Variants in SPIRE2 observed in about 807,000 individuals in gnomAD.
SPIRE2 encodes spire type actin nucleation factor 2.
In SPIRE2, 76 loss-of-function variants were observed where a neutral mutation model predicts 80.7. The ratio of observed to expected loss-of-function variants is 0.94; its 90% CI spans 0.78 to 1.14. SPIRE2 has a LOEUF of 1.14. SPIRE2 is among the 50% of genes most tolerant of loss of function. SPIRE2 has a pLI of 0.00. For synonymous variants in SPIRE2, 535 were observed against 432.6 expected, an observed-to-expected ratio of 1.24 and a Z score of -2.94; for missense variants, 1,196 against 1,015.3, an observed-to-expected ratio of 1.18 and a Z score of -2.42.
At chr16:89,834,039 CCTGCAGCAAGACTCTT>C (rs1327518235) in intron 1 of SPIRE2, among the ~76,000 whole-genome samples, 1 of 152,218 alleles carries the variant, frequency 6.6e-6, no homozygotes, top group Non-Finnish European at 1.5e-5. Context: ...GGAAGGCAGT[CCTGCAGCAAGACTCTT>C]CTCTTTACGG....
At position 89,863,721 on chromosome 16, in the gene SPIRE2, G is replaced by T. The variant is rs55999134; in HGVS notation, c.1711-73G>T. On this transcript the variant is annotated intron_variant, in intron 11 of 14. Transcript: ENST00000378247. This position sits in a 1 kb window ranked among gnomAD's most constrained non-coding sequence, Gnocchi z 4.3. ...TCATGATCTGGTTGGGAGCCCTGAGGGGGTAGCAGGGACAGGGCGGGACCC... is the reference window on the plus strand; with the variant it reads ...TCATGATCTGGTTGGGAGCCCTGAGTGGGTAGCAGGGACAGGGCGGGACCC... The T allele has an allele frequency of 1.5e-5, 24 of 1,605,716 alleles. No individual in the cohort carries two copies. Among genetic ancestry groups the T allele is most frequent in the African/African-American group, 5.4e-5 (4 of 74,726 alleles).
chr16:89,841,453 TGTG>T (rs1286560559), intron 1 of SPIRE2, among the ~76,000 whole-genome samples: 1 of 152,048 alleles, frequency 6.6e-6, no homozygotes, highest in African/African-American at 2.4e-5. Context: ...GTGACGTGGT[TGTG>T]GTAGCTCTGT....
intron 1 of SPIRE2, among the ~76,000 whole-genome samples, chr16:89,830,978 C>T (rs2041374713): frequency 6.8e-6 from 1 of 146,980 alleles, no homozygotes; most frequent in South Asian, 2.1e-4. Context: ...GGCACAATCT[C>T]TGCTCACTGC....
At chr16:89,866,351 G>A (rs751363196) in intron 12 of SPIRE2, among the ~76,000 whole-genome samples, 8 of 151,868 alleles carry the variant, frequency 5.3e-5, no homozygotes, top group Non-Finnish European at 1.2e-4. Flanking sequence ...AGTCGGAAGT[G>A]CAATGCCGCG....
In SPIRE2 at chr16:89,854,662, C is replaced by A; in HGVS notation, c.891+11C>A. The A allele has an allele frequency of 1.2e-6, 2 of 1,607,988 alleles. No homozygotes were observed. The highest frequency in any genetic ancestry group is 1.7e-6 in the Non-Finnish European group (2 of 1,176,596). On this transcript the variant is annotated intron_variant, in intron 5 of 14. Coordinates refer to ENST00000378247, the MANE Select transcript of SPIRE2 (RefSeq NM_032451.2). ...CTGCGCAAGGTCATGGTGAGCGGGG[C>A]AGACGCAGAGGGGCAGCCTGGATGC... is the stretch of plus-strand genomic sequence containing the variant.
intron 1 of SPIRE2, among the ~76,000 whole-genome samples, chr16:89,836,058 C>T (rs182518695): frequency 5.3e-5 from 8 of 152,152 alleles, no homozygotes; most frequent in Admixed American, 2.0e-4. Context: ...GTCTGTAGTC[C>T]CAGTTGTTTA....
intron 12 of SPIRE2, among the ~76,000 whole-genome samples, chr16:89,866,438 C>G (rs556717892): frequency 6.6e-6 from 1 of 152,128 alleles, no homozygotes; most frequent in Admixed American, 6.5e-5. Context: ...GCTGGCATTA[C>G]AGGCATGTGC....
intron 10 of SPIRE2, among the ~76,000 whole-genome samples, chr16:89,861,111 T>C (rs1156964724): frequency 6.6e-6 from 1 of 152,142 alleles, no homozygotes; most frequent in East Asian, 1.9e-4. Flanking sequence ...TGGAGGTCAG[T>C]GTGAGGGGGG....
chr16:89,855,971 G>A (rs1475700049), intron 6 of SPIRE2, 142 bp from the exon 7 acceptor site: 11 of 1,406,938 alleles, frequency 7.8e-6, no homozygotes, highest in South Asian at 1.4e-5. Flanking sequence ...CCCTCCGGGT[G>A]GGCCTGGCAG....
chr16:89,846,166 G>T, intron 2 of SPIRE2: 2 of 153,648 alleles, frequency 1.3e-5, no homozygotes, highest in Non-Finnish European at 2.9e-5. Context: ...CAAAGTGCTG[G>T]GATTACAGGA....
At chr16:89,830,503 A>T (rs116848174) in intron 1 of SPIRE2, among the ~76,000 whole-genome samples, 1,517 of 151,440 alleles carry the variant, frequency 0.01, 88 homozygotes, top group East Asian at 0.044. Flanking sequence ...ACATCAGGCC[A>T]GCTGTCTCCT....
intron 1 of SPIRE2, among the ~76,000 whole-genome samples, chr16:89,842,577 A>G (rs1341732298): frequency 6.6e-6 from 1 of 152,210 alleles, no homozygotes; most frequent in Non-Finnish European, 1.5e-5. Flanking sequence ...CAGAGGCACA[A>G]ACATTAAAAT....
At chr16:89,843,183 G>A (rs2041519934) in intron 1 of SPIRE2, among the ~76,000 whole-genome samples, 1 of 152,126 alleles carries the variant, frequency 6.6e-6, no homozygotes, top group Non-Finnish European at 1.5e-5. Context: ...AGGAGGGTTG[G>A]GGAGCACAGA....
At position 89,854,472 on chromosome 16, in the gene SPIRE2, T is replaced by G; in HGVS notation, c.727-15T>G. Reference sequence around the variant, plus strand: ...CACCTGGGGCTGAGACCCATTCTCTTCCCCTGGGGCCCAGGCCCGACTGTG... The same window carrying G: ...CACCTGGGGCTGAGACCCATTCTCTGCCCCTGGGGCCCAGGCCCGACTGTG... On this transcript the variant is annotated splice_polypyrimidine_tract_variant and intron_variant, in intron 4 of 14. Coordinates refer to ENST00000378247, the MANE Select transcript of SPIRE2 (RefSeq NM_032451.2). The G allele has an allele frequency of 6.2e-7, 1 of 1,611,302 alleles. No individual in the cohort carries two copies. Among genetic ancestry groups the G allele is most frequent in the Non-Finnish European group, 8.5e-7 (1 of 1,178,970 alleles).
intron 1 of SPIRE2, among the ~76,000 whole-genome samples, chr16:89,834,192 GC>G (rs1386962609): frequency 1.5e-5 from 2 of 134,764 alleles, no homozygotes; most frequent in Non-Finnish European, 3.4e-5. Flanking sequence ...GATAAGCATA[GC>G]CCGTGTGAAT....
At chr16:89,840,245 CTTTT>C (rs778083127) in intron 1 of SPIRE2, among the ~76,000 whole-genome samples, 3 of 133,296 alleles carry the variant, frequency 2.3e-5, no homozygotes, top group Middle Eastern at 4.2e-3. Context: ...AACCTGTCAT[CTTTT>C]TTTTTTTTTT....
intron 1 of SPIRE2, among the ~76,000 whole-genome samples, chr16:89,839,042 G>A (rs2041477841): frequency 6.7e-6 from 1 of 149,064 alleles, no homozygotes; most frequent in Admixed American, 6.7e-5. Context: ...TGTTTCGAGT[G>A]TTAAACTGTT....
At chr16:89,865,762 A>G (rs1178756997) in intron 12 of SPIRE2, among the ~76,000 whole-genome samples, 1 of 151,842 alleles carries the variant, frequency 6.6e-6, no homozygotes, top group African/African-American at 2.4e-5. Context: ...AGGTCGGGAG[A>G]TCGAGACCAT....
chr16:89,836,554 C>A (rs1443771863), intron 1 of SPIRE2: 2 of 209,944 alleles, frequency 9.5e-6, no homozygotes, highest in East Asian at 2.2e-4. Context: ...AAGCAGACAC[C>A]AACGTTTGTT....
Sources: allele counts gnomAD v4.1 joint callset (sites outside exome capture counted in the v4.1 genomes callset), GRCh38; gene constraint gnomAD v4.1.1; non-coding constraint Gnocchi (gnomAD v3.1); transcripts MANE v1.5; gene names NCBI Gene and HGNC (gene_info 2026-07-23, HGNC 2026-07-21).